Variants in TPO observed in about 807,000 individuals in gnomAD.
The protein encoded by TPO is thyroid microsomal antigen.
TPO carries 78 observed loss-of-function variants against 96.9 expected under a neutral mutation model. The observed-to-expected ratio is 0.81, with a 90% CI of 0.67 to 0.97. The LOEUF is 0.97. Ranked by LOEUF, TPO falls within the 50% of genes least tolerant of loss-of-function variation. The pLI is 0.00. For synonymous variants in TPO, 547 were observed against 538.0 expected (o/e 1.02, Z -0.23); for missense variants, 1,252 against 1,274.8 (o/e 0.98, Z 0.27).
intron 2 of TPO, among the ~76,000 whole-genome samples, chr2:1,414,802 A>T (rs1024611624): frequency 2.0e-5 from 3 of 152,184 alleles, no homozygotes; most frequent in African/African-American, 4.8e-5. Flanking sequence ...TTGCTACAGA[A>T]TTATTTTTTA....
chr2:1,443,943 GA>G (rs1204306138), intron 5 of TPO, among the ~76,000 whole-genome samples: 1 of 125,736 alleles, frequency 8.0e-6, no homozygotes, highest in Non-Finnish European at 1.6e-5. Flanking sequence ...ATTGCTGCAG[GA>G]GGTACCATGT....
At chr2:1,389,844 T>C (rs1025891572) in intron 1 of TPO, among the ~76,000 whole-genome samples, 1 of 152,134 alleles carries the variant, frequency 6.6e-6, no homozygotes, top group African/African-American at 2.4e-5. Flanking sequence ...TGTAGTATTT[T>C]AGAATTGTTT....
intron 5 of TPO, 59 bp downstream of exon 5, chr2:1,436,443 T>G: frequency 1.2e-6 from 2 of 1,611,474 alleles, no homozygotes; most frequent in Non-Finnish European, 1.7e-6. Flanking sequence ...CATGACTAGA[T>G]GCCATCATGA....
At chr2:1,398,990 G>A (rs994755877) in intron 1 of TPO, among the ~76,000 whole-genome samples, 5 of 152,228 alleles carry the variant, frequency 3.3e-5, no homozygotes, top group African/African-American at 7.2e-5. Flanking sequence ...TCCTCTGCAA[G>A]CCACGCTCAC....
At chr2:1,407,383 C>A (rs536011936) in intron 1 of TPO, among the ~76,000 whole-genome samples, 18 of 152,144 alleles carry the variant, frequency 1.2e-4, no homozygotes, top group Non-Finnish European at 2.2e-4. Flanking sequence ...CTTGTGGAGA[C>A]AGCTGAAAAC....
chr2:1,393,179 G>T (rs1662029856), intron 1 of TPO, among the ~76,000 whole-genome samples: 1 of 152,176 alleles, frequency 6.6e-6, no homozygotes, highest in Non-Finnish European at 1.5e-5. Flanking sequence ...AAGGCAGAGG[G>T]AGCGAGGCGT....
chr2:1,474,000 C>T (rs771724618), intron 7 of TPO, among the ~76,000 whole-genome samples: 54 of 151,948 alleles, frequency 3.6e-4, no homozygotes, highest in Non-Finnish European at 7.2e-4. Context: ...GCTTTACCAG[C>T]TCTTATTTTA....
chr2:1,426,619 G>T (rs1013059875), intron 3 of TPO, among the ~76,000 whole-genome samples: 4 of 152,098 alleles, frequency 2.6e-5, no homozygotes, highest in Non-Finnish European at 5.9e-5. Flanking sequence ...TGTTTTAGAT[G>T]CCAGGATACA....
intron 16 of TPO, 45 bp downstream of exon 16, chr2:1,540,768 T>A: frequency 6.2e-7 from 1 of 1,613,174 alleles, no homozygotes; most frequent in Non-Finnish European, 8.5e-7. Flanking sequence ...ACCGCAGTGG[T>A]TGGACAGGAT....
intron 5 of TPO, among the ~76,000 whole-genome samples, chr2:1,436,692 G>A (rs1478362552): frequency 2.6e-5 from 4 of 152,094 alleles, no homozygotes; most frequent in South Asian, 2.1e-4. Context: ...GTGCTTAGGC[G>A]CCATCCTTGA....
intron 10 of TPO, among the ~76,000 whole-genome samples, chr2:1,491,543 A>G (rs1486681760): frequency 6.6e-6 from 1 of 152,236 alleles, no homozygotes; most frequent in Non-Finnish European, 1.5e-5. Context: ...TCCTCATTTG[A>G]GAACTTTAAT....
intron 15 of TPO, among the ~76,000 whole-genome samples, chr2:1,537,299 G>T (rs1410792278): frequency 1.7e-5 from 1 of 59,088 alleles, no homozygotes; most frequent in Admixed American, 2.8e-4. Context: ...CCCACCCTCT[G>T]CAACGTCCCC....
At chr2:1,504,288 C>T (rs368600121) in intron 14 of TPO, among the ~76,000 whole-genome samples, 44 of 152,328 alleles carry the variant, frequency 2.9e-4, no homozygotes, top group African/African-American at 1.0e-3. Context: ...TGCAGAGACC[C>T]TCGAAGCACA....
chr2:1,389,727 G>C (rs1053934689), intron 1 of TPO, among the ~76,000 whole-genome samples: 1 of 151,988 alleles, frequency 6.6e-6, no homozygotes, highest in Non-Finnish European at 1.5e-5. Flanking sequence ...TCTGATGTGT[G>C]GCTTTTCCTC....
chr2:1,505,477 TCCCCCCCACCCCGTGTCAGGCACAC>T (rs1673330937), intron 14 of TPO, among the ~76,000 whole-genome samples: 1 of 32,146 alleles, frequency 3.1e-5, no homozygotes, highest in Non-Finnish European at 5.3e-5. Flanking sequence ...GTCAGGCGCA[TCCCCCCCACCCCGTGTCAGGCACAC>T]CCCCACCACC....
At chr2:1,537,807 CAAATCCCCCCACTGTGAGCAACCTCCT>C (rs1680176092) in intron 15 of TPO, among the ~76,000 whole-genome samples, 1 of 104,984 alleles carries the variant, frequency 9.5e-6, no homozygotes. Flanking sequence ...GCAATGTCCC[CAAATCCCCCCACTGTGAGCAACCTCCT>C]CAAATCCCCC....
rs1453114182 is a variant in TPO, at chr2:1,531,606, CTG to C, written c.2619-8985_2619-8984del. 6.1e-5 allele frequency among the ~76,000 whole-genome samples: 5 copies of C among 81,912 alleles called. No homozygotes were observed. In the South Asian group the frequency reaches 2.9e-3, roughly 48 times the overall value. 53.7% of individuals were successfully genotyped at this position (81,912 alleles called of 152,430 possible). On this transcript the variant is annotated intron_variant, in intron 15 of 16. Coordinates refer to ENST00000329066, the MANE Select transcript of TPO (RefSeq NM_001206744.2). ...GCAACCGCCCCATATCCCCCCCACT[CTG>C]TGCAACCTCCCCAAAACACCCCTCA... is the stretch of plus-strand genomic sequence containing the variant.
chr2:1,489,297 C>G (rs1431807862), intron 10 of TPO, among the ~76,000 whole-genome samples: 1 of 152,098 alleles, frequency 6.6e-6, no homozygotes, highest in Non-Finnish European at 1.5e-5. Flanking sequence ...CCACACATGC[C>G]CAGCACACAC....
chr2:1,502,987 C>T (rs1453199149), intron 13 of TPO, among the ~76,000 whole-genome samples: 2 of 152,202 alleles, frequency 1.3e-5, no homozygotes, highest in Non-Finnish European at 1.5e-5. Flanking sequence ...CACGGGTCTC[C>T]GGCACTGGGT....
Sources: gnomAD v4.1 joint callset for allele counts (sites outside exome capture counted in the v4.1 genomes callset) on GRCh38, gnomAD v4.1.1 for gene constraint, MANE v1.5 for transcripts, NCBI Gene and HGNC (gene_info 2026-07-23, HGNC 2026-07-21) for gene names.